Variants in RIMS1 observed in about 807,000 individuals in gnomAD.
RIMS1 encodes the protein regulating synaptic membrane exocytosis protein 1.
A neutral mutation model predicts 214.1 loss-of-function variants in RIMS1; 83 were observed. The observed-to-expected ratio is 0.39, with a 90% confidence interval of 0.32 to 0.47. The LOEUF is 0.47. Ranked by LOEUF, RIMS1 falls within the 20% of genes least tolerant of loss-of-function variation. The probability of loss-of-function intolerance (pLI) is 0.99; values close to 1 mark genes in which losing one functional copy is unlikely to be tolerated. For synonymous variants in RIMS1, 793 were observed against 786.8 expected, an observed-to-expected ratio of 1.01 and a Z score of -0.13; for missense variants, 2,050 against 2,161.8, an observed-to-expected ratio of 0.95 and a Z score of 1.03.
At chr6:72,292,532 C>A (rs1378379355) in intron 26 of RIMS1, among the ~76,000 whole-genome samples, 1 of 151,952 alleles carries the variant, frequency 6.6e-6, no homozygotes, top group Non-Finnish European at 1.5e-5. Flanking sequence ...GTGTCTTCAG[C>A]AGTTCATATT....
At chr6:72,103,872 T>C (rs1163413578) in intron 4 of RIMS1, among the ~76,000 whole-genome samples, 1 of 152,188 alleles carries the variant, frequency 6.6e-6, no homozygotes, top group African/African-American at 2.4e-5. Context: ...GTGGTTATCA[T>C]AAAACTTTTT....
At chr6:72,248,274 T>A (rs2154129674) in intron 12 of RIMS1, 147 bp downstream of exon 12, 2 of 529,144 alleles carry the variant, frequency 3.8e-6, no homozygotes, top group Non-Finnish European at 6.8e-6. Context: ...TTTTCATGCA[T>A]TTTTTATTAT....
In RIMS1 at chr6:72,196,377, G is replaced by GTCTGTTTGTCTA. The variant is rs1554269277; in HGVS notation, c.1678+13231_1678+13232insGTTTGTCTATCT. On this transcript the variant is annotated intron_variant, in intron 6 of 33. Transcript: ENST00000521978. ...TGTCTGTCTGTCTGTCTGTCTGTCT[G>GTCTGTTTGTCTA]TCTATCTATCTATCTATCTATCTAT... Among the ~76,000 whole-genome samples, 1,257 of 144,054 alleles carry GTCTGTTTGTCTA rather than the reference G, an allele frequency of 8.7e-3. 9 individuals carry two copies. Among genetic ancestry groups the GTCTGTTTGTCTA allele is most frequent in the South Asian group, 0.024 (106 of 4,506 alleles). 94.5% of individuals were successfully genotyped at this position (144,054 alleles called of 152,430 possible). A position where few individuals can be genotyped will look rare whatever the true frequency, so the allele number is the denominator to read the frequency against.
rs549445251 is a variant in RIMS1, at chr6:72,009,573, G to A, written c.245+40510G>A. Among the ~76,000 whole-genome samples, 182 of 152,006 alleles carry A rather than the reference G, an allele frequency of 1.2e-3. 2 individuals are homozygous for A. The highest frequency in any genetic ancestry group is 1.7e-3 in the Non-Finnish European group (115 of 67,970). On this transcript the variant is annotated intron_variant, in intron 2 of 33. Transcript: ENST00000521978. ...AAAAGATCAACAAAATTGATAGACC[G>A]CTAGCAAGACTAATAAAGAAAAAAA...
chr6:72,065,216 T>G (rs1045204655), intron 2 of RIMS1, among the ~76,000 whole-genome samples: 2 of 152,178 alleles, frequency 1.3e-5, no homozygotes, highest in African/African-American at 4.8e-5. Flanking sequence ...AGAGTGATTT[T>G]GTGGTGCCTA....
chr6:71,908,150 A>G (rs1325347415), intron 1 of RIMS1, among the ~76,000 whole-genome samples: 1 of 152,146 alleles, frequency 6.6e-6, no homozygotes, highest in Non-Finnish European at 1.5e-5. Flanking sequence ...CTTGGCTTTT[A>G]GTTTCTGTTT....
At chr6:72,090,206 T>C (rs1368921460) in intron 2 of RIMS1, among the ~76,000 whole-genome samples, 7 of 152,156 alleles carry the variant, frequency 4.6e-5, no homozygotes, top group Admixed American at 4.6e-4. Context: ...TGGGTCTAGC[T>C]TTGTTGCCCA....
At chr6:72,076,597 CG>C (rs1831946951) in intron 2 of RIMS1, among the ~76,000 whole-genome samples, 1 of 152,048 alleles carries the variant, frequency 6.6e-6, no homozygotes, top group Non-Finnish European at 1.5e-5. Context: ...AATATTCAGT[CG>C]ATAACACTGA....
intron 6 of RIMS1, among the ~76,000 whole-genome samples, chr6:72,198,246 A>C (rs1030166665): frequency 6.6e-6 from 1 of 152,090 alleles, no homozygotes; most frequent in African/African-American, 2.4e-5. Context: ...ATGTGCATAT[A>C]CGCAATTAAA....
intron 1 of RIMS1, among the ~76,000 whole-genome samples, chr6:71,922,722 C>T (rs567285388): frequency 6.0e-4 from 92 of 152,140 alleles, no homozygotes; most frequent in Middle Eastern, 3.4e-3. Context: ...AAGGAAAGCT[C>T]GTATAGTTTA....
intron 6 of RIMS1, among the ~76,000 whole-genome samples, chr6:72,224,746 T>C (rs2059670171): frequency 6.6e-6 from 1 of 152,168 alleles, no homozygotes; most frequent in Non-Finnish European, 1.5e-5. Context: ...TTATCCTCAT[T>C]TTTTTGTGGT....
At chr6:72,030,595 A>T (rs927181575) in intron 2 of RIMS1, among the ~76,000 whole-genome samples, 1 of 152,096 alleles carries the variant, frequency 6.6e-6, no homozygotes, top group African/African-American at 2.4e-5. Context: ...TAAAAGATAC[A>T]CTACACAATT....
intron 6 of RIMS1, among the ~76,000 whole-genome samples, chr6:72,211,741 T>C (rs2053843512): frequency 6.6e-6 from 1 of 151,186 alleles, no homozygotes; most frequent in Non-Finnish European, 1.5e-5. Flanking sequence ...ATTTCTAAGA[T>C]ATTATATGTG....
intron 2 of RIMS1, among the ~76,000 whole-genome samples, chr6:72,030,321 G>A (rs1325697840): frequency 6.6e-6 from 1 of 152,130 alleles, no homozygotes; most frequent in East Asian, 1.9e-4. Flanking sequence ...GATTCAGAGA[G>A]ACTTTTCCCT....
At chr6:72,107,129 A>G (rs1406544597) in intron 4 of RIMS1, among the ~76,000 whole-genome samples, 1 of 152,144 alleles carries the variant, frequency 6.6e-6, no homozygotes, top group Non-Finnish European at 1.5e-5. Context: ...CATCATTTAC[A>G]CTTCATCATT....
intron 29 of RIMS1, among the ~76,000 whole-genome samples, chr6:72,367,850 G>A (rs1411612447): frequency 1.3e-5 from 2 of 152,134 alleles, no homozygotes; most frequent in Admixed American, 6.5e-5. Context: ...GGGTTTCATA[G>A]ATTATCCAAG....
chr6:72,340,538 G>A (rs1014078025), intron 29 of RIMS1, among the ~76,000 whole-genome samples: 8 of 152,084 alleles, frequency 5.3e-5, no homozygotes, highest in Non-Finnish European at 8.8e-5. Context: ...TTATTAAATA[G>A]GGAATCCTTT....
intron 9 of RIMS1, among the ~76,000 whole-genome samples, chr6:72,238,768 C>T (rs1184302230): frequency 6.6e-6 from 1 of 152,078 alleles, no homozygotes; most frequent in East Asian, 1.9e-4. Flanking sequence ...ACCCATAACA[C>T]AAAGAGTACA....
intron 19 of RIMS1, chr6:72,263,229 G>A (rs952937348): frequency 3.0e-5 from 30 of 984,662 alleles, no homozygotes; most frequent in African/African-American, 1.0e-4. Flanking sequence ...AAATCTGTAT[G>A]TTTAGTTTCT....
Sources: gnomAD v4.1 joint callset for allele counts (sites outside exome capture counted in the v4.1 genomes callset) on GRCh38, gnomAD v4.1.1 for gene constraint, MANE v1.5 for transcripts, NCBI Gene and HGNC (gene_info 2026-07-23, HGNC 2026-07-21) for gene names.